The following EBF3 variants were observed in gnomAD, a reference collection of about 807,000 sequenced individuals.
EBF3 encodes EBF transcription factor 3.
A neutral mutation model predicts 77.1 loss-of-function variants in EBF3; 18 were observed. The ratio of observed to expected loss-of-function variants is 0.23; its 90% CI spans 0.16 to 0.35. The LOEUF (loss-of-function observed/expected upper bound fraction) is 0.35. EBF3 is among the 10% of genes least tolerant of loss of function. The pLI is 1.00. For missense variants in EBF3, 558 were observed against 860.0 expected (o/e 0.65, Z 4.39); for synonymous variants, 350 against 343.5 (o/e 1.02, Z -0.21).
chr10:129,940,701 G>A (rs949092179), intron 6 of EBF3, among the ~76,000 whole-genome samples: 2 of 152,192 alleles, frequency 1.3e-5, no homozygotes, highest in African/African-American at 4.8e-5. Flanking sequence ...TAGGAAGTAG[G>A]GGGCTGGCAG....
chr10:129,942,699 C>T (rs145107949), intron 6 of EBF3, among the ~76,000 whole-genome samples: 79 of 152,302 alleles, frequency 5.2e-4, no homozygotes, highest in African/African-American at 1.6e-3. Flanking sequence ...TTCTAAATAA[C>T]GCCTGCCTGT....
chr10:129,910,823 C>A (rs992209391), intron 6 of EBF3, among the ~76,000 whole-genome samples: 1 of 152,170 alleles, frequency 6.6e-6, no homozygotes, highest in Non-Finnish European at 1.5e-5. Context: ...CAGTTTCTGT[C>A]CGCAAACCTG....
chr10:129,843,339 CG>C (rs777095766), intron 11 of EBF3, 137 bp from the exon 12 acceptor site: 2 of 813,208 alleles, frequency 2.5e-6, no homozygotes, highest in African/African-American at 3.4e-5. Flanking sequence ...CCGTGCACTT[CG>C]AAGGCAGGCA....
At chr10:129,905,207 G>A (rs1290067685) in intron 6 of EBF3, among the ~76,000 whole-genome samples, 1 of 152,198 alleles carries the variant, frequency 6.6e-6, no homozygotes. Context: ...GGGCTCCAGG[G>A]TGCACTGTGC....
At chr10:129,934,988 T>C (rs968535761) in intron 6 of EBF3, among the ~76,000 whole-genome samples, 1 of 152,212 alleles carries the variant, frequency 6.6e-6, no homozygotes, top group East Asian at 1.9e-4. Context: ...AAGGGCCTAC[T>C]GTGTACCTGG....
At chr10:129,853,269 C>T (rs952082048) in intron 10 of EBF3, among the ~76,000 whole-genome samples, 2 of 152,312 alleles carry the variant, frequency 1.3e-5, no homozygotes, top group Non-Finnish European at 1.5e-5. Context: ...AAGCCCAGCA[C>T]GCAGAGAGAG....
At chr10:129,930,356 T>C (rs1310749385) in intron 6 of EBF3, among the ~76,000 whole-genome samples, 5 of 151,858 alleles carry the variant, frequency 3.3e-5, no homozygotes, top group African/African-American at 9.7e-5. Context: ...TATCTATCTC[T>C]ATATTAACAA....
At chr10:129,903,506 T>C (rs1203772234) in intron 6 of EBF3, among the ~76,000 whole-genome samples, 1 of 152,238 alleles carries the variant, frequency 6.6e-6, no homozygotes, top group Non-Finnish European at 1.5e-5. Context: ...CTTACAAAGT[T>C]CAGATTACAT....
At position 129,952,555 on chromosome 10, in the gene EBF3, C is replaced by T. The variant is rs1173627992; in HGVS notation, c.554+4703G>A. ...AAAGCGTTGACCTTATAAATGCTGG[C>T]ATTTGTACAGCTTCAGCAGAGTTGG... On this transcript the variant is annotated intron_variant, in intron 6 of 16. Transcript: ENST00000440978. This position sits in a 1 kb window ranked among gnomAD's most constrained non-coding sequence, Gnocchi z 4.7. Among the ~76,000 whole-genome samples the T allele has an allele frequency of 1.1e-4, 16 of 152,154 alleles. No homozygotes were observed. The highest frequency in any genetic ancestry group is 1.0e-3 in the Admixed American group (16 of 15,278).
chr10:129,843,892 G>A (rs1009544362), intron 11 of EBF3, among the ~76,000 whole-genome samples: 15 of 152,202 alleles, frequency 9.9e-5, no homozygotes, highest in African/African-American at 3.4e-4. Flanking sequence ...TGGATGCACC[G>A]AGTTTTGTCT....
In EBF3 at chr10:129,842,317, C is replaced by T. The variant is rs376148103; in HGVS notation, c.1195-24G>A. 1.4e-4 allele frequency: 223 copies of T among 1,554,216 alleles called. No individual in the cohort carries two copies. The highest frequency in any genetic ancestry group is 4.2e-4 in the Admixed American group (23 of 55,270). ...TCCTGCAGCAGGAGCAAGTGGGAGC[C>T]GGCCTGTCACCCCAGGCCCGGCCCA... On this transcript the variant is annotated intron_variant, in intron 12 of 16. Coordinates refer to ENST00000440978, the MANE Select transcript of EBF3 (RefSeq NM_001375380.1). This position sits in a 1 kb window ranked among gnomAD's most constrained non-coding sequence, Gnocchi z 4.4.
intron 6 of EBF3, among the ~76,000 whole-genome samples, chr10:129,951,447 C>T (rs1858673934): frequency 6.6e-6 from 1 of 152,268 alleles, no homozygotes; most frequent in Admixed American, 6.5e-5. Flanking sequence ...CACGTTCATA[C>T]CCGGCTGCAT....
Position 129,840,456 on chromosome 10 carries a change from AAC to A in EBF3, c.1562-16_1562-15del. 1.3e-6 allele frequency: 2 copies of A among 1,547,850 alleles called. No homozygotes were observed. Among genetic ancestry groups the A allele is most frequent in the African/African-American group, 2.7e-5 (2 of 73,134 alleles). ...TGGACGGCACTACTGCAACAAAGCA[AAC>A]ACGGTCAGCACGCGCGGCCGCGGCA... On this transcript the variant is annotated splice_polypyrimidine_tract_variant and intron_variant, in intron 14 of 16. Transcript: ENST00000440978.
intron 6 of EBF3, among the ~76,000 whole-genome samples, chr10:129,913,154 C>T (rs1054996539): frequency 2.6e-5 from 4 of 152,222 alleles, no homozygotes; most frequent in African/African-American, 9.6e-5. Context: ...GCATTCCGGG[C>T]CTGATTAGAA....
At chr10:129,859,748 C>T (rs761650302) in intron 10 of EBF3, among the ~76,000 whole-genome samples, 6 of 152,206 alleles carry the variant, frequency 3.9e-5, no homozygotes, top group African/African-American at 9.7e-5. Context: ...CACGCTGGAG[C>T]GAAACATAGT....
At position 129,862,901 on chromosome 10, in the gene EBF3, C is replaced by G. The variant is rs546162910; in HGVS notation, c.1039+4240G>C. Among the ~76,000 whole-genome samples, 7 of 152,284 alleles carry G rather than the reference C, an allele frequency of 4.6e-5. No individual in the cohort carries two copies. In the East Asian group the frequency reaches 1.3e-3, roughly 29 times the overall value. On this transcript the variant is annotated intron_variant, in intron 10 of 16. Coordinates refer to ENST00000440978, the MANE Select transcript of EBF3 (RefSeq NM_001375380.1). ...TGCGAAACTGCCCAATTTGTGTATACTGCGAGTTTCTCAGGTAGGACATTC... is the reference window on the plus strand; with the variant it reads ...TGCGAAACTGCCCAATTTGTGTATAGTGCGAGTTTCTCAGGTAGGACATTC...
chr10:129,957,213 T>TTGC (rs1259416665), intron 6 of EBF3, 45 bp downstream of exon 6: 1 of 1,547,568 alleles, frequency 6.5e-7, no homozygotes, highest in African/African-American at 1.4e-5. Context: ...AAACGTTTTG[T>TTGC]TGCTGCTGCG....
At chr10:129,856,435 G>A (rs1423289542) in intron 10 of EBF3, among the ~76,000 whole-genome samples, 3 of 152,144 alleles carry the variant, frequency 2.0e-5, no homozygotes, top group Non-Finnish European at 4.4e-5. Context: ...TTACAACAGG[G>A]ATGAGCCTGG....
Position 129,841,913 on chromosome 10 carries a change from G to T in EBF3, c.1372+203C>A, listed in dbSNP as rs888757463. ...TTGGAGCTGCCGTTTTTAGTAACTG[G>T]GCTCTCTGAGTGTTCTTACCCCAGC... On this transcript the variant is annotated intron_variant, in intron 13 of 16. Coordinates refer to ENST00000440978, the MANE Select transcript of EBF3 (RefSeq NM_001375380.1). The surrounding 1 kb of genome is among the most constrained non-coding windows in gnomAD (Gnocchi z 4.6). 6.6e-6 allele frequency among the ~76,000 whole-genome samples: 1 copy of T among 152,174 alleles called. No individual in the cohort carries two copies. Among genetic ancestry groups the T allele is most frequent in the African/African-American group, 2.4e-5 (1 of 41,450 alleles).
Sources: allele counts gnomAD v4.1 joint callset (sites outside exome capture counted in the v4.1 genomes callset), GRCh38; gene constraint gnomAD v4.1.1; non-coding constraint Gnocchi (gnomAD v3.1); transcripts MANE v1.5; gene names NCBI Gene and HGNC (gene_info 2026-07-23, HGNC 2026-07-21).